The following STARD10 variants were observed in gnomAD, a reference collection of about 807,000 sequenced individuals.
STARD10 encodes the protein StAR related lipid transfer domain containing 10.
Under a neutral mutation model 36.0 loss-of-function variants are expected in STARD10, and 24 were observed. That is an observed-to-expected ratio of 0.67 (90% CI 0.48 to 0.94). STARD10 has a LOEUF of 0.94. STARD10 is among the 40% of genes least tolerant of loss of function. The pLI, the probability that STARD10 is intolerant of heterozygous loss-of-function variation, is 0.00. For missense variants in STARD10, 335 were observed against 396.6 expected (o/e 0.84, Z 1.32); for synonymous variants, 156 against 161.9 (o/e 0.96, Z 0.28).
intron 2 of STARD10, among the ~76,000 whole-genome samples, chr11:72,777,895 G>A (rs965738470): frequency 6.6e-6 from 1 of 152,202 alleles, no homozygotes; most frequent in Non-Finnish European, 1.5e-5. Context: ...GGGGTCAGCT[G>A]GCTTTCCCAG....
intron 2 of STARD10, among the ~76,000 whole-genome samples, chr11:72,776,291 T>C (rs1015561556): frequency 2.0e-5 from 3 of 152,152 alleles, no homozygotes; most frequent in African/African-American, 7.2e-5. Flanking sequence ...AGCAACTTCC[T>C]GTATGGGGAA....
intron 2 of STARD10, among the ~76,000 whole-genome samples, chr11:72,765,066 A>G (rs1351762090): frequency 2.6e-5 from 4 of 152,134 alleles, no homozygotes; most frequent in African/African-American, 9.7e-5. Flanking sequence ...TTGGGAGTTC[A>G]AGACCAGCCT....
At chr11:72,765,162 A>G (rs1858770764) in intron 2 of STARD10, among the ~76,000 whole-genome samples, 1 of 152,232 alleles carries the variant, frequency 6.6e-6, no homozygotes. Context: ...GCTACTCAGG[A>G]GGCTGAGGCA....
In STARD10 at chr11:72,759,397, A is replaced by G. The variant is rs1381024177; in HGVS notation, c.208-16T>C. ...CCATCCGGCACTGCAGACAAGATAT[A>G]TGGGTTGTCAGGATCATATGGGGCT... On this transcript the variant is annotated splice_polypyrimidine_tract_variant and intron_variant, in intron 2 of 6. Transcript: ENST00000334805. 1.9e-6 allele frequency: 3 copies of G among 1,613,916 alleles called. No homozygotes were observed. Among genetic ancestry groups the G allele is most frequent in the South Asian group, 2.2e-5 (2 of 91,070 alleles).
rs1269538986 is a variant in STARD10 at position 72,781,865 on chromosome 11, G to A, written c.-113-571C>T. 1 of 150,770 alleles carries A rather than the reference G, an allele frequency of 6.6e-6. No individual in the cohort carries two copies. The highest frequency in any genetic ancestry group is 2.0e-4 in the East Asian group (1 of 5,066). 9.3% of individuals were successfully genotyped at this position (150,770 alleles called of 1,614,324 possible). A position where few individuals can be genotyped will look rare whatever the true frequency, so the allele number is the denominator to read the frequency against. ...GGGGGCTCGGGGGCTCGGCGGCCGC[G>A]GCTCGGGATTTTCCAGGCTGCGGAG... On this transcript the variant is annotated intron_variant, in intron 1 of 6. Transcript: ENST00000334805. This position sits in a 1 kb window ranked among gnomAD's most constrained non-coding sequence, Gnocchi z 4.7.
intron 2 of STARD10, among the ~76,000 whole-genome samples, chr11:72,775,458 C>T (rs1858918486): frequency 6.6e-6 from 1 of 152,162 alleles, no homozygotes; most frequent in African/African-American, 2.4e-5. Context: ...CACTGAACCA[C>T]CTCCCATTCT....
At chr11:72,764,294 G>T (rs1042550254) in intron 2 of STARD10, among the ~76,000 whole-genome samples, 4 of 152,216 alleles carry the variant, frequency 2.6e-5, no homozygotes, top group African/African-American at 9.6e-5. Flanking sequence ...GGCTGTTGAG[G>T]CTCCAGAGGC....
intron 1 of STARD10, among the ~76,000 whole-genome samples, chr11:72,784,213 C>T (rs934517624): frequency 1.3e-5 from 2 of 152,216 alleles, no homozygotes; most frequent in African/African-American, 4.8e-5. Flanking sequence ...AGGGCCCCAT[C>T]TGCTCCAGAG....
rs1157910383 is a variant in STARD10 at position 72,758,529 on chromosome 11, C to T, written c.459+1G>A. The T allele has an allele frequency of 1.2e-6, 2 of 1,612,944 alleles. No homozygotes were observed. Among genetic ancestry groups the T allele is most frequent in the African/African-American group, 1.3e-5 (1 of 74,930 alleles). On this transcript the variant is annotated splice_donor_variant, in intron 4 of 6. Coordinates refer to ENST00000334805, the MANE Select transcript of STARD10 (RefSeq NM_006645.3). LOFTEE classifies it high-confidence loss of function. ...ACCGCAGGGAAGGCAGGTTGACTCA[C>T]GGGATGTTTGACTGAGTAGTTCATA...
chr11:72,790,445 A>G (rs560857), intron 1 of STARD10: 151,994 of 152,424 alleles, frequency 1, 75,783 homozygotes, highest in Middle Eastern at 1. Flanking sequence ...AAACAGAGCT[A>G]AAGTGAGCAC....
At chr11:72,788,862 AT>A (rs906609358) in intron 1 of STARD10, among the ~76,000 whole-genome samples, 1 of 149,646 alleles carries the variant, frequency 6.7e-6, no homozygotes, top group Admixed American at 6.7e-5. Flanking sequence ...CTCCCAGCCC[AT>A]TTTTTTTTAA....
At chr11:72,769,323 A>G (rs548534043) in intron 2 of STARD10, among the ~76,000 whole-genome samples, 1 of 152,292 alleles carries the variant, frequency 6.6e-6, no homozygotes, top group East Asian at 1.9e-4. Context: ...AGGTATGGTA[A>G]AACTGTTACA....
intron 2 of STARD10, among the ~76,000 whole-genome samples, chr11:72,774,815 C>T (rs1472866718): frequency 2.0e-5 from 3 of 152,270 alleles, no homozygotes; most frequent in African/African-American, 7.2e-5. Context: ...ACGGCATCCA[C>T]AGCCCTGGCT....
intron 2 of STARD10, chr11:72,780,176 T>A (rs747721425): frequency 1.6e-5 from 7 of 449,644 alleles, no homozygotes; most frequent in Non-Finnish European, 3.1e-5. Flanking sequence ...CACGAGCCCC[T>A]GCCCCATCTG....
rs780990007 is a variant in STARD10 at position 72,758,372 on chromosome 11, G to C, written c.459+158C>G. 7.5e-4 allele frequency among the ~76,000 whole-genome samples: 114 copies of C among 152,350 alleles called. 1 individual carries two copies. The highest frequency in any genetic ancestry group is 7.3e-5 in the Non-Finnish European group (5 of 68,030). On this transcript the variant is annotated intron_variant, in intron 4 of 6. Coordinates refer to ENST00000334805, the MANE Select transcript of STARD10 (RefSeq NM_006645.3). ...CCTGATCTGCTCAAGAGACCCAGCA[G>C]GGAGAGAGGAGCCATTATCCTCACT...
chr11:72,788,287 C>G (rs576099531), intron 1 of STARD10, among the ~76,000 whole-genome samples: 21 of 152,264 alleles, frequency 1.4e-4, no homozygotes, highest in East Asian at 9.7e-4. Context: ...AAGGTGAGAC[C>G]AAGTGTGAAA....
chr11:72,771,607 C>T (rs771716833), intron 2 of STARD10, among the ~76,000 whole-genome samples: 14 of 151,914 alleles, frequency 9.2e-5, no homozygotes, highest in African/African-American at 2.7e-4. Context: ...CCTTCTCCGC[C>T]GCTCTCCATG....
At position 72,780,991 on chromosome 11, in the gene STARD10, G is replaced by C; in HGVS notation, c.191C>G (p.Thr64Arg). ...VWVQAVEMDR[T>R]LHKIKCRMEC... ...CAACCCTACCTTGATCTTGTGCAGC[G>C]TCCGATCCATCTCCACAGCCTGCAC... is the stretch of plus-strand genomic sequence containing the variant. Residue 64 changes from threonine to arginine, a missense_variant, in exon 2 of 7, where the codon ACG (threonine) becomes AGG (arginine). Coordinates refer to ENST00000334805, the MANE Select transcript of STARD10 (RefSeq NM_006645.3). 6.2e-7 allele frequency: 1 copy of C among 1,614,150 alleles called. No homozygotes were observed. Among genetic ancestry groups the C allele is most frequent in the Non-Finnish European group, 8.5e-7 (1 of 1,180,008 alleles).
intron 1 of STARD10, among the ~76,000 whole-genome samples, chr11:72,789,938 C>T (rs945986670): frequency 5.9e-5 from 9 of 152,154 alleles, no homozygotes; most frequent in Non-Finnish European, 1.3e-4. Flanking sequence ...GCTTGGGCTC[C>T]GTGACTCACT....
Sources: allele counts gnomAD v4.1 joint callset (sites outside exome capture counted in the v4.1 genomes callset), GRCh38; gene constraint gnomAD v4.1.1; non-coding constraint Gnocchi (gnomAD v3.1); transcripts MANE v1.5; gene names NCBI Gene and HGNC (gene_info 2026-07-23, HGNC 2026-07-21).